PDE4D: variants seen among roughly 807,000 people sequenced by gnomAD.
PDE4D encodes phosphodiesterase 4D.
In PDE4D, 24 loss-of-function variants were observed where a neutral mutation model predicts 87.4. The observed-to-expected ratio is 0.27, with a 90% CI of 0.20 to 0.39. The LOEUF (loss-of-function observed/expected upper bound fraction) is 0.39, where lower values mean the gene tolerates loss of function less well. Ranked by LOEUF, PDE4D falls within the 10% of genes least tolerant of loss-of-function variation. The probability of loss-of-function intolerance (pLI) is 1.00; values close to 1 mark genes in which losing one functional copy is unlikely to be tolerated. For missense variants in PDE4D, 714 were observed against 1,041.0 expected, an observed-to-expected ratio of 0.69 and a Z score of 4.32; for synonymous variants, 384 against 383.2, an observed-to-expected ratio of 1.00 and a Z score of -0.02.
At chr5:60,233,196 TACACACAC>T (rs146827902) in intron 1 of PDE4D, among the ~76,000 whole-genome samples, 1 of 147,414 alleles carries the variant, frequency 6.8e-6, no homozygotes, top group Non-Finnish European at 1.5e-5. Flanking sequence ...CACACACACA[TACACACAC>T]ACACACACAC....
intron 1 of PDE4D, among the ~76,000 whole-genome samples, chr5:59,819,089 T>C (rs1202836837): frequency 1.3e-5 from 2 of 152,218 alleles, no homozygotes; most frequent in Non-Finnish European, 2.9e-5. Context: ...TTAAAGAAGT[T>C]ACTTGGTATA....
chr5:59,895,082 T>C (rs1230017775), upstream of PDE4D, among the ~76,000 whole-genome samples: 1 of 152,216 alleles, frequency 6.6e-6, no homozygotes, highest in Non-Finnish European at 1.5e-5. Flanking sequence ...ACACACTCAG[T>C]CTTAACATAT....
At chr5:60,160,443 A>T (rs1437252526) in intron 2 of PDE4D, among the ~76,000 whole-genome samples, 1 of 152,174 alleles carries the variant, frequency 6.6e-6, no homozygotes, top group Non-Finnish European at 1.5e-5. Context: ...AATCAAATAT[A>T]GAGCTCTGTG....
At chr5:59,677,998 C>T (rs1748394137) in intron 1 of PDE4D, among the ~76,000 whole-genome samples, 1 of 152,178 alleles carries the variant, frequency 6.6e-6, no homozygotes, top group Non-Finnish European at 1.5e-5. Context: ...CACATAAGTA[C>T]TGAACAAATG....
At chr5:59,300,156 A>T (rs1169658848) in intron 1 of PDE4D, among the ~76,000 whole-genome samples, 1 of 151,180 alleles carries the variant, frequency 6.6e-6, no homozygotes, top group Non-Finnish European at 1.5e-5. Flanking sequence ...GTGTCACGTG[A>T]ATCACATGCT....
At chr5:59,692,766 G>A (rs1751181560) in intron 1 of PDE4D, among the ~76,000 whole-genome samples, 2 of 152,100 alleles carry the variant, frequency 1.3e-5, no homozygotes, top group Non-Finnish European at 2.9e-5. Context: ...TGGCATCATG[G>A]AAATGATTTT....
chr5:59,354,618 G>A (rs6450517), intron 1 of PDE4D, among the ~76,000 whole-genome samples: 38,888 of 151,962 alleles, frequency 0.26, 5,172 homozygotes, highest in Middle Eastern at 0.4. Flanking sequence ...GTACATTGTC[G>A]TGGCTGAATG....
chr5:59,494,310 T>C lies in PDE4D; in HGVS notation c.456-278342A>G, dbSNP rs570537012. ...CCATTAAACTTCCTAGGCATTGCCA[T>C]GTTAGTATAATGATGGATTGCAGGT... is the stretch of plus-strand genomic sequence containing the variant. On this transcript the variant is annotated intron_variant, in intron 1 of 14. Coordinates refer to ENST00000340635, the MANE Select transcript of PDE4D (RefSeq NM_001104631.2). Among the ~76,000 whole-genome samples, 5 of 152,322 alleles carry C rather than the reference T, an allele frequency of 3.3e-5. No homozygotes were observed. The South Asian group carries it at 6.2e-4, about 19-fold the overall frequency.
chr5:59,637,783 G>A (rs1580061912), intron 1 of PDE4D, among the ~76,000 whole-genome samples: 1 of 152,054 alleles, frequency 6.6e-6, no homozygotes. Context: ...GATAACATTC[G>A]GAGAAATACC....
chr5:59,049,651 T>G (rs139579074), intron 5 of PDE4D, among the ~76,000 whole-genome samples: 5 of 152,320 alleles, frequency 3.3e-5, no homozygotes, highest in Non-Finnish European at 4.4e-5. Flanking sequence ...GTGCATCTGA[T>G]GCAAACACCC....
chr5:59,307,059 A>G (rs1421264283), intron 1 of PDE4D, among the ~76,000 whole-genome samples: 1 of 92,464 alleles, frequency 1.1e-5, no homozygotes, highest in Non-Finnish European at 1.9e-5. Context: ...AATGCCGCAT[A>G]TCTACAACTA....
intron 2 of PDE4D, among the ~76,000 whole-genome samples, chr5:60,000,830 A>C (rs1763949109): frequency 6.6e-6 from 1 of 152,188 alleles, no homozygotes; most frequent in African/African-American, 2.4e-5. Context: ...GCTGTCTGCT[A>C]ACTATGATAT....
intron 1 of PDE4D, among the ~76,000 whole-genome samples, chr5:60,381,291 CTT>C (rs1172251015): frequency 6.6e-6 from 1 of 152,200 alleles, no homozygotes; most frequent in Non-Finnish European, 1.5e-5. Flanking sequence ...GTTGACAACA[CTT>C]TGCATATGTC....
At chr5:59,889,518 A>C (rs1750651260) in intron 1 of PDE4D, among the ~76,000 whole-genome samples, 1 of 152,130 alleles carries the variant, frequency 6.6e-6, no homozygotes, top group Non-Finnish European at 1.5e-5. Flanking sequence ...AAAATAAATG[A>C]ATCAAACAAA....
At chr5:60,327,722 A>G (rs1756929432) in intron 1 of PDE4D, among the ~76,000 whole-genome samples, 2 of 152,364 alleles carry the variant, frequency 1.3e-5, no homozygotes, top group East Asian at 1.9e-4. Flanking sequence ...TTCCATCAAC[A>G]GAAGAATGCA....
At chr5:60,434,864 T>C (rs922042108) in intron 1 of PDE4D, among the ~76,000 whole-genome samples, 8 of 152,064 alleles carry the variant, frequency 5.3e-5, no homozygotes, top group Admixed American at 5.2e-4. Context: ...TTAAGAGTAT[T>C]GAACCCTGCA....
intron 1 of PDE4D, among the ~76,000 whole-genome samples, chr5:59,279,420 A>G (rs1205608734): frequency 1.3e-5 from 2 of 151,940 alleles, no homozygotes; most frequent in Admixed American, 6.6e-5. Flanking sequence ...GGTTTCTTTT[A>G]TTTTATTACA....
chr5:60,123,001 G>A (rs2149382406), intron 2 of PDE4D, among the ~76,000 whole-genome samples: 1 of 152,222 alleles, frequency 6.6e-6, no homozygotes, highest in East Asian at 1.9e-4. Flanking sequence ...AAAATGCTGT[G>A]AGTCTCTTTG....
intron 1 of PDE4D, chr5:60,460,446 T>C (rs771566188): frequency 2.7e-6 from 4 of 1,492,544 alleles, no homozygotes; most frequent in Non-Finnish European, 3.7e-6. Context: ...GCTTGACAAA[T>C]GTTGTTACCC....
Sources: gnomAD v4.1 joint callset for allele counts (sites outside exome capture counted in the v4.1 genomes callset) on GRCh38, gnomAD v4.1.1 for gene constraint, MANE v1.5 for transcripts, NCBI Gene and HGNC (gene_info 2026-07-23, HGNC 2026-07-21) for gene names.